The following UCK2 variants were observed in gnomAD, a reference collection of about 807,000 sequenced individuals.
UCK2 encodes uridine-cytidine kinase 2.
UCK2 carries 6 observed loss-of-function variants against 30.8 expected under a neutral mutation model. The observed-to-expected ratio is 0.19, with a 90% CI of 0.11 to 0.38. UCK2 has a LOEUF of 0.38. Ranked by LOEUF, UCK2 falls within the 10% of genes least tolerant of loss-of-function variation. UCK2 has a pLI of 1.00. For missense variants in UCK2, 210 were observed against 339.8 expected (o/e 0.62, Z 3.00); for synonymous variants, 125 against 133.6 (o/e 0.94, Z 0.45).
intron 3 of UCK2, among the ~76,000 whole-genome samples, chr1:165,895,188 T>G (rs1655866691): frequency 6.6e-6 from 1 of 152,012 alleles, no homozygotes; most frequent in South Asian, 2.1e-4. Context: ...CTGAGGTGGG[T>G]GGGTTGCATG....
In UCK2 at chr1:165,827,832, C is replaced by G. The variant is rs1256841275; in HGVS notation, c.-2C>G. 7 of 1,446,724 alleles carry G rather than the reference C, an allele frequency of 4.8e-6. No individual in the cohort carries two copies. The highest frequency in any genetic ancestry group is 6.4e-6 in the Non-Finnish European group (7 of 1,090,970). The allele number at this position is 1,446,724 out of a possible 1,614,324, so 89.6% of individuals were successfully genotyped here. A position where few individuals can be genotyped will look rare whatever the true frequency, so the allele number is the denominator to read the frequency against. On this transcript the variant is annotated 5_prime_UTR_variant, in exon 1 of 7. Transcript: ENST00000367879. ...GCAGCGGGAGGAGGGGCGGCGCGAA[C>G]CATGGCCGGGGACAGCGAGCAGACC...
intron 1 of UCK2, among the ~76,000 whole-genome samples, chr1:165,832,160 C>T (rs1444259245): frequency 6.6e-6 from 1 of 152,148 alleles, no homozygotes; most frequent in East Asian, 1.9e-4. Flanking sequence ...TTGTAATGGC[C>T]TTTAGTCTTT....
intron 1 of UCK2, among the ~76,000 whole-genome samples, chr1:165,841,111 G>GTATATATA (rs61030546): frequency 1.0e-4 from 15 of 144,958 alleles, no homozygotes; most frequent in South Asian, 2.2e-4. Context: ...GTGTGTGTGT[G>GTATATATA]TATATATATA....
chr1:165,827,816 G>A lies in UCK2; in HGVS notation c.-18G>A. The stretch of plus-strand genomic sequence containing the variant: ...GCGTCCGTTCGCACAGGCAGCGGGA[G>A]GAGGGGCGGCGCGAACCATGGCCGG... On this transcript the variant is annotated 5_prime_UTR_variant, in exon 1 of 7. Coordinates refer to ENST00000367879, the MANE Select transcript of UCK2 (RefSeq NM_012474.5). 1 of 1,411,166 alleles carries A rather than the reference G, an allele frequency of 7.1e-7. No individual in the cohort carries two copies. Among genetic ancestry groups the A allele is most frequent in the Non-Finnish European group, 9.3e-7 (1 of 1,072,084 alleles). The allele number at this position is 1,411,166 out of a possible 1,614,324, so 87.4% of individuals were successfully genotyped here.
intron 1 of UCK2, among the ~76,000 whole-genome samples, chr1:165,839,987 A>G (rs539687972): frequency 6.6e-6 from 1 of 151,418 alleles, no homozygotes; most frequent in East Asian, 2.0e-4. Context: ...GTGTGGCGCG[A>G]TCTCGGCCCA....
intron 3 of UCK2, chr1:165,894,599 C>T (rs1188036174): frequency 1.3e-5 from 2 of 152,128 alleles, no homozygotes; most frequent in Non-Finnish European, 2.9e-5. Context: ...TTTTTATAAG[C>T]TTCCCAGATG....
intron 1 of UCK2, among the ~76,000 whole-genome samples, chr1:165,838,908 C>G (rs1005158469): frequency 1.3e-5 from 2 of 152,028 alleles, no homozygotes; most frequent in Admixed American, 1.3e-4. Context: ...ATTAGCTGGG[C>G]ATGGTGGCGG....
chr1:165,861,650 C>CAAAA (rs986990445), intron 1 of UCK2, among the ~76,000 whole-genome samples: 2 of 52,366 alleles, frequency 3.8e-5, no homozygotes, highest in Non-Finnish European at 6.7e-5. Context: ...AAAAAAAAAA[C>CAAAA]AAAAAAAAAC....
chr1:165,875,225 TA>T (rs1655305834), intron 1 of UCK2, among the ~76,000 whole-genome samples: 1 of 152,144 alleles, frequency 6.6e-6, no homozygotes, highest in Non-Finnish European at 1.5e-5. Flanking sequence ...ACCTGCAGTT[TA>T]AAACAAGGAT....
chr1:165,910,455 T>G lies in UCK2; in HGVS notation c.*2632T>G, dbSNP rs1455222359. The G allele has an allele frequency of 1.3e-5, 2 of 152,308 alleles. No individual in the cohort carries two copies. The highest frequency in any genetic ancestry group is 2.9e-5 in the Non-Finnish European group (2 of 68,152). The allele number at this position is 152,308 out of a possible 1,614,324, so 9.4% of individuals were successfully genotyped here. ...CCCTGGCTCCAGAGCCATCCAGTGGTGCTTGGTTCTCTCTTCCTGCCCAGG... is the reference window on the plus strand; with the variant it reads ...CCCTGGCTCCAGAGCCATCCAGTGGGGCTTGGTTCTCTCTTCCTGCCCAGG... On this transcript the variant is annotated 3_prime_UTR_variant, in exon 7 of 7. Transcript: ENST00000367879.
chr1:165,883,585 T>C (rs1304802180), intron 1 of UCK2, among the ~76,000 whole-genome samples: 1 of 152,136 alleles, frequency 6.6e-6, no homozygotes, highest in Non-Finnish European at 1.5e-5. Context: ...AAGAACCTTA[T>C]TAGTAATTTA....
chr1:165,832,156 T>C (rs1654064788), intron 1 of UCK2, among the ~76,000 whole-genome samples: 3 of 152,238 alleles, frequency 2.0e-5, no homozygotes, highest in Non-Finnish European at 2.9e-5. Flanking sequence ...CTTTTTGTAA[T>C]GGCCTTTAGT....
chr1:165,895,639 C>T, intron 3 of UCK2: 1 of 985,800 alleles, frequency 1.0e-6, no homozygotes, highest in Non-Finnish European at 1.2e-6. Flanking sequence ...CAAATGCTTT[C>T]TCGTCTGTAT....
At chr1:165,853,707 C>T (rs1453776780) in intron 1 of UCK2, among the ~76,000 whole-genome samples, 1 of 152,112 alleles carries the variant, frequency 6.6e-6, no homozygotes, top group Non-Finnish European at 1.5e-5. Flanking sequence ...GTATTTGTTT[C>T]GGGCCCCTAG....
chr1:165,859,529 A>T (rs545980527), intron 1 of UCK2, among the ~76,000 whole-genome samples: 1 of 152,288 alleles, frequency 6.6e-6, no homozygotes, highest in South Asian at 2.1e-4. Context: ...CCTGTCAGAA[A>T]GATCAGTGGG....
At chr1:165,903,141 C>T in intron 4 of UCK2, 41 bp from the exon 5 acceptor site, 2 of 1,563,926 alleles carry the variant, frequency 1.3e-6, no homozygotes, top group Non-Finnish European at 8.8e-7. Flanking sequence ...TGTGCTGGCT[C>T]CTACACCGTT....
intron 1 of UCK2, among the ~76,000 whole-genome samples, chr1:165,870,047 A>G (rs1239507373): frequency 6.6e-6 from 1 of 152,062 alleles, no homozygotes; most frequent in African/African-American, 2.4e-5. Context: ...GCCAAATCCA[A>G]TGTCAAAGTG....
intron 1 of UCK2, among the ~76,000 whole-genome samples, chr1:165,835,306 A>G (rs1334011369): frequency 6.8e-6 from 1 of 146,474 alleles, no homozygotes; most frequent in Non-Finnish European, 1.5e-5. Flanking sequence ...CCCATTTTGC[A>G]CATATAATAT....
At chr1:165,898,641 C>G (rs968400615) in intron 4 of UCK2, among the ~76,000 whole-genome samples, 12 of 152,208 alleles carry the variant, frequency 7.9e-5, no homozygotes, top group African/African-American at 2.9e-4. Flanking sequence ...GAGATTAGAA[C>G]CAAGTTTTGA....
Sources: gnomAD v4.1 joint callset for allele counts (sites outside exome capture counted in the v4.1 genomes callset) on GRCh38, gnomAD v4.1.1 for gene constraint, MANE v1.5 for transcripts, NCBI Gene and HGNC (gene_info 2026-07-23, HGNC 2026-07-21) for gene names.